Variants in FBXW10B observed in about 807,000 individuals in gnomAD.
FBXW10B encodes F-box and WD repeat domain containing protein 10B.
chr17:15,612,439 G>A, the FBXW10B span, among the ~76,000 whole-genome samples: 16 of 152,114 alleles, frequency 1.1e-4, no homozygotes, highest in Middle Eastern at 3.4e-3. Context: ...GCGTGAACCC[G>A]GGAGGCGGAG....
At chr17:15,566,397 A>G in the FBXW10B span, 3 of 1,373,648 alleles carry the variant, frequency 2.2e-6, 1 homozygote, top group Non-Finnish European at 9.5e-7. Context: ...TCGGCGTTCT[A>G]TGAAAAATAT....
chr17:15,592,960 C>T, the FBXW10B span, among the ~76,000 whole-genome samples: 2 of 149,812 alleles, frequency 1.3e-5, no homozygotes, highest in South Asian at 2.2e-4. Context: ...AAAAATTAGC[C>T]GGGCATACTG....
At chr17:15,610,009 C>T in the FBXW10B span, among the ~76,000 whole-genome samples, 1 of 151,764 alleles carries the variant, frequency 6.6e-6, no homozygotes, top group African/African-American at 2.4e-5. Context: ...TATAGGCATG[C>T]ACCACCATGC....
chr17:15,610,530 G>C, the FBXW10B span, among the ~76,000 whole-genome samples: 1 of 152,324 alleles, frequency 6.6e-6, no homozygotes, highest in South Asian at 2.1e-4. Context: ...CACTGTATGA[G>C]GGTGAAGTTT....
chr17:15,588,899 T>C, the FBXW10B span: 1 of 1,614,032 alleles, frequency 6.2e-7, no homozygotes, highest in Non-Finnish European at 8.5e-7. Flanking sequence ...GTTCCAGGAG[T>C]TGCCATTCTG....
the FBXW10B span, among the ~76,000 whole-genome samples, chr17:15,597,000 G>A: frequency 6.6e-6 from 1 of 151,198 alleles, no homozygotes; most frequent in Non-Finnish European, 1.5e-5. Context: ...GCTTGCTATC[G>A]AGTAGATTTC....
the FBXW10B span, among the ~76,000 whole-genome samples, chr17:15,578,117 G>A: frequency 6.6e-6 from 1 of 152,078 alleles, no homozygotes; most frequent in African/African-American, 2.4e-5. Context: ...GGGCAAAGGA[G>A]CTAGATGCAC....
the FBXW10B span, chr17:15,612,907 G>A: frequency 6.6e-7 from 1 of 1,516,138 alleles, no homozygotes; most frequent in Admixed American, 2.2e-5. Flanking sequence ...GGAAAAACTA[G>A]TTCTTGGCAA....
the FBXW10B span, among the ~76,000 whole-genome samples, chr17:15,592,030 C>T: frequency 4.6e-5 from 7 of 152,164 alleles, no homozygotes; most frequent in East Asian, 1.9e-4. Flanking sequence ...TACAAGCAAG[C>T]GGCTTTCCCC....
the FBXW10B span, among the ~76,000 whole-genome samples, chr17:15,609,633 C>T: frequency 6.6e-6 from 1 of 151,840 alleles, no homozygotes; most frequent in South Asian, 2.1e-4. Context: ...GCAACAACAC[C>T]TCCTCGATCT....
chr17:15,596,723 T>A, the FBXW10B span: 1 of 1,556,164 alleles, frequency 6.4e-7, no homozygotes, highest in Non-Finnish European at 8.7e-7. Context: ...AAAGGAAAGG[T>A]TACAGTGGAG....
At chr17:15,600,930 A>G in the FBXW10B span, among the ~76,000 whole-genome samples, 1 of 148,454 alleles carries the variant, frequency 6.7e-6, no homozygotes, top group African/African-American at 2.5e-5. Flanking sequence ...ACATGCTTGT[A>G]GTCCCAGCTA....
chr17:15,583,636 T>C, the FBXW10B span, among the ~76,000 whole-genome samples: 134,285 of 147,388 alleles, frequency 0.91, 61,150 homozygotes, highest in Non-Finnish European at 0.94. Flanking sequence ...CTCAAGACTC[T>C]AGCCACCCCA....
chr17:15,614,338 G>A, the FBXW10B span, among the ~76,000 whole-genome samples: 2 of 151,690 alleles, frequency 1.3e-5, no homozygotes, highest in Non-Finnish European at 2.9e-5. Context: ...ACAGGCGCCC[G>A]CCACCACGCC....
the FBXW10B span, among the ~76,000 whole-genome samples, chr17:15,604,531 G>A: frequency 3.9e-5 from 6 of 152,072 alleles, no homozygotes; most frequent in South Asian, 1.2e-3. Flanking sequence ...ATATACATAT[G>A]TGGTTGTTTT....
chr17:15,569,455 C>CTTTTTATTTTTTTTTTTTTT, the FBXW10B span, among the ~76,000 whole-genome samples: 2 of 59,192 alleles, frequency 3.4e-5, no homozygotes, highest in Non-Finnish European at 2.9e-5. Context: ...TTTTCTTTTT[C>CTTTTTATTTTTTTTTTTTTT]TTTTTTTTTT....
At chr17:15,608,612 C>T in the FBXW10B span, among the ~76,000 whole-genome samples, 11 of 151,996 alleles carry the variant, frequency 7.2e-5, no homozygotes, top group African/African-American at 2.7e-4. Context: ...TGCCACCACG[C>T]CTGGCTAATT....
chr17:15,574,201 AG>A, the FBXW10B span: 1 of 704,144 alleles, frequency 1.4e-6, no homozygotes, highest in African/African-American at 1.8e-5. Context: ...CAGACACAAA[AG>A]GAAAAAAAAG....
chr17:15,596,450 A>AG, the FBXW10B span: 2 of 1,360,284 alleles, frequency 1.5e-6, no homozygotes, highest in South Asian at 2.8e-5. Flanking sequence ...GGAGCTAGGT[A>AG]GGGGGAGCCC....
Sources: allele counts gnomAD v4.1 joint callset (sites outside exome capture counted in the v4.1 genomes callset), GRCh38; gene constraint gnomAD v4.1.1; transcripts MANE v1.5; gene names NCBI Gene and HGNC (gene_info 2026-07-23, HGNC 2026-07-21).